ARID5B: variants seen among roughly 807,000 people sequenced by gnomAD.
The protein encoded by ARID5B is AT-rich interaction domain 5B.
A neutral mutation model predicts 97.2 loss-of-function variants in ARID5B; 13 were observed. That is an observed-to-expected ratio of 0.13 (90% CI 0.09 to 0.21). The LOEUF is 0.21. ARID5B is among the 10% of genes least tolerant of loss of function. The pLI is 1.00. For synonymous variants in ARID5B, 556 were observed against 570.3 expected (o/e 0.97, Z 0.36); for missense variants, 1,210 against 1,465.3 (o/e 0.83, Z 2.84).
At chr10:61,905,151 G>A (rs954248035) in intron 2 of ARID5B, among the ~76,000 whole-genome samples, 1 of 152,188 alleles carries the variant, frequency 6.6e-6, no homozygotes, top group East Asian at 1.9e-4. Flanking sequence ...GAAAGAGAAA[G>A]GTTTCTTGGT....
chr10:62,001,270 T>TA (rs982077072), intron 4 of ARID5B, among the ~76,000 whole-genome samples: 1 of 152,124 alleles, frequency 6.6e-6, no homozygotes, highest in Non-Finnish European at 1.5e-5. Context: ...CGTGAACCCC[T>TA]ACCACTCTCA....
At chr10:61,912,126 G>A (rs552589693) in intron 2 of ARID5B, among the ~76,000 whole-genome samples, 1 of 152,304 alleles carries the variant, frequency 6.6e-6, no homozygotes, top group African/African-American at 2.4e-5. Flanking sequence ...ACAGATATTT[G>A]CTAATTAAAG....
At chr10:61,930,697 G>C (rs1477353517) in intron 2 of ARID5B, among the ~76,000 whole-genome samples, 1 of 125,332 alleles carries the variant, frequency 8.0e-6, no homozygotes, top group Admixed American at 8.0e-5. Context: ...TCCAGCCTGG[G>C]CGACAGAGCG....
intron 3 of ARID5B, among the ~76,000 whole-genome samples, chr10:61,974,569 C>T (rs1838674206): frequency 6.6e-6 from 1 of 152,136 alleles, no homozygotes; most frequent in Admixed American, 6.5e-5. Context: ...CTCAGAGTTC[C>T]TCCTAAAGGC....
In ARID5B at chr10:62,000,328, C is replaced by A; in HGVS notation, c.733+7C>A. Reference sequence around the variant, plus strand: ...AGTATATGCGATGAGTTTGGTGAGTCTTTTTTTTTTTTTCCTACCTGATTC... The same window carrying A: ...AGTATATGCGATGAGTTTGGTGAGTATTTTTTTTTTTTTCCTACCTGATTC... On this transcript the variant is annotated splice_region_variant and intron_variant, in intron 4 of 9. Coordinates refer to ENST00000279873, the MANE Select transcript of ARID5B (RefSeq NM_032199.3). The surrounding 1 kb of genome is among the most constrained non-coding windows in gnomAD (Gnocchi z 4.4). The A allele has an allele frequency of 7.4e-7, 1 of 1,348,614 alleles. No homozygotes were observed. Among genetic ancestry groups the A allele is most frequent in the Non-Finnish European group, 1.0e-6 (1 of 984,196 alleles). The allele number at this position is 1,348,614 out of a possible 1,614,324, so 83.5% of individuals were successfully genotyped here. A position where few individuals can be genotyped will look rare whatever the true frequency, so the allele number is the denominator to read the frequency against.
At chr10:62,034,408 C>A (rs1839535510) in intron 4 of ARID5B, among the ~76,000 whole-genome samples, 1 of 152,130 alleles carries the variant, frequency 6.6e-6, no homozygotes, top group Non-Finnish European at 1.5e-5. Flanking sequence ...GGTGCCAGGC[C>A]TGACATAGTT....
In ARID5B at chr10:62,096,888, T is replaced by C. The variant is rs1840478526; in HGVS notation, c.*3858T>C. The C allele has an allele frequency of 4.3e-6, 1 of 233,262 alleles. No individual in the cohort carries two copies. Among genetic ancestry groups the C allele is most frequent in the Non-Finnish European group, 8.5e-6 (1 of 117,908 alleles). 14.4% of individuals were successfully genotyped at this position (233,262 alleles called of 1,614,324 possible). On this transcript the variant is annotated 3_prime_UTR_variant, in exon 10 of 10. Coordinates refer to ENST00000279873, the MANE Select transcript of ARID5B (RefSeq NM_032199.3). ...TCCCAATCACATAGCAGGCAAGAGA[T>C]ATTTTGTACTTTTTGATCCACTGTA...
intron 5 of ARID5B, 115 bp downstream of exon 5, chr10:62,051,115 T>C (rs1564637273): frequency 1.1e-6 from 1 of 878,162 alleles, no homozygotes; most frequent in African/African-American, 1.7e-5. Context: ...CATCTGACTT[T>C]GGTATTCAGA....
chr10:62,054,763 CTCAG>C (rs1839833336), intron 5 of ARID5B, among the ~76,000 whole-genome samples: 1 of 152,132 alleles, frequency 6.6e-6, no homozygotes, highest in South Asian at 2.1e-4. Context: ...AAATTTAAGA[CTCAG>C]TCAGTTTTGT....
At chr10:61,903,834 G>C (rs574642292) in intron 2 of ARID5B, among the ~76,000 whole-genome samples, 2 of 151,758 alleles carry the variant, frequency 1.3e-5, no homozygotes, top group Non-Finnish European at 2.9e-5. Context: ...TCGTCGAAAC[G>C]TTCGCCCTCG....
In ARID5B at chr10:62,050,918, A is replaced by G. The variant is rs1839779413; in HGVS notation, c.764A>G (p.Lys255Arg). The G allele has an allele frequency of 1.2e-6, 2 of 1,614,216 alleles. No homozygotes were observed. The highest frequency in any genetic ancestry group is 1.7e-6 in the Non-Finnish European group (2 of 1,180,008). Residue 255 changes from lysine (K) to arginine (R), a missense_variant, in exon 5 of 10, where the codon AAG (lysine) becomes AGG (arginine). By Grantham distance (26) the Lys-to-Arg change is conservative. Around this residue, in one of 8 missense-constraint regions of ARID5B, gnomAD observed 132 missense variants for 156.7 expected, o/e 0.84. Transcript: ENST00000279873. Reference protein sequence around the residue: ...APNLKGRPRKKKPCPQRRDSF... With the variant: ...APNLKGRPRKRKPCPQRRDSF... ...AATCTTAAAGGCAGACCACGCAAAAAGAAACCATGCCCACAAAGAAGAGAT... is the reference window on the plus strand; with the variant it reads ...AATCTTAAAGGCAGACCACGCAAAAGGAAACCATGCCCACAAAGAAGAGAT...
intron 2 of ARID5B, among the ~76,000 whole-genome samples, chr10:61,921,625 T>A (rs573801989): frequency 2.8e-4 from 43 of 152,270 alleles, no homozygotes; most frequent in African/African-American, 1.0e-3. Flanking sequence ...TGCCTAATTC[T>A]GTTTGTTAGA....
At chr10:62,082,886 C>T (rs191453689) in intron 8 of ARID5B, among the ~76,000 whole-genome samples, 12 of 152,266 alleles carry the variant, frequency 7.9e-5, no homozygotes, top group African/African-American at 2.2e-4. Context: ...GTGTGCCGTG[C>T]GAGACCGTGC....
chr10:62,040,510 C>T (rs1435829982), intron 4 of ARID5B, among the ~76,000 whole-genome samples: 1 of 152,150 alleles, frequency 6.6e-6, no homozygotes, highest in African/African-American at 2.4e-5. Flanking sequence ...CTCCTTAACA[C>T]ATATTTCCAA....
At chr10:61,939,985 TTAAC>T (rs1156767134) in intron 2 of ARID5B, among the ~76,000 whole-genome samples, 194 bp from the exon 3 acceptor site, 3 of 152,230 alleles carry the variant, frequency 2.0e-5, no homozygotes, top group African/African-American at 7.2e-5. Flanking sequence ...AAATTATTCC[TTAAC>T]TAAACAACTA....
chr10:61,942,827 T>A (rs10740054), intron 3 of ARID5B, among the ~76,000 whole-genome samples: 105,373 of 151,390 alleles, frequency 0.7, 36,974 homozygotes, highest in African/African-American at 0.76. Flanking sequence ...AAAAAAGGCT[T>A]TTAGGTTGAG....
At chr10:62,003,351 A>G (rs1839105407) in intron 4 of ARID5B, among the ~76,000 whole-genome samples, 1 of 152,184 alleles carries the variant, frequency 6.6e-6, no homozygotes, top group Non-Finnish European at 1.5e-5. Flanking sequence ...GGAGGTGGAT[A>G]GAGATGGAAA....
intron 3 of ARID5B, among the ~76,000 whole-genome samples, chr10:61,991,989 G>T: frequency 6.6e-6 from 1 of 151,706 alleles, no homozygotes; most frequent in East Asian, 1.9e-4. Flanking sequence ...CTGAGATCAC[G>T]CTATGGCACT....
At chr10:62,013,326 C>T (rs184273526) in intron 4 of ARID5B, among the ~76,000 whole-genome samples, 24 of 152,016 alleles carry the variant, frequency 1.6e-4, no homozygotes, top group African/African-American at 5.3e-4. Context: ...TTTTAATAGA[C>T]AAAAATTGTA....
Sources: allele counts gnomAD v4.1 joint callset (sites outside exome capture counted in the v4.1 genomes callset), GRCh38; gene constraint gnomAD v4.1.1; regional missense constraint gnomAD v4.1.1; non-coding constraint Gnocchi (gnomAD v3.1); transcripts MANE v1.5; gene names NCBI Gene and HGNC (gene_info 2026-07-23, HGNC 2026-07-21).